Variants in GALNTL6 observed in about 807,000 individuals in gnomAD.
GALNTL6 encodes polypeptide N-acetylgalactosaminyltransferase-like 6.
In GALNTL6, 46 loss-of-function variants were observed where a neutral mutation model predicts 73.7. That is an observed-to-expected ratio of 0.62 (90% CI 0.49 to 0.80). The LOEUF (loss-of-function observed/expected upper bound fraction) is 0.80. GALNTL6 is among the 30% of genes least tolerant of loss of function. The pLI is 0.00. For synonymous variants in GALNTL6, 259 were observed against 263.7 expected (o/e 0.98, Z 0.17); for missense variants, 604 against 755.0 (o/e 0.80, Z 2.34).
At chr4:172,731,494 A>C (rs1736148081) in intron 5 of GALNTL6, among the ~76,000 whole-genome samples, 1 of 152,048 alleles carries the variant, frequency 6.6e-6, no homozygotes. Context: ...CTTTTTTAAA[A>C]AACAACCTTT....
intron 5 of GALNTL6, among the ~76,000 whole-genome samples, chr4:172,401,803 C>T (rs1163095801): frequency 6.6e-6 from 1 of 151,774 alleles, no homozygotes; most frequent in African/African-American, 2.4e-5. Context: ...ATAACAGACA[C>T]CTCAAGTTTT....
chr4:172,553,409 CATTTT>C (rs1736034253), intron 5 of GALNTL6, among the ~76,000 whole-genome samples: 2 of 152,174 alleles, frequency 1.3e-5, no homozygotes, highest in Admixed American at 1.3e-4. Flanking sequence ...GACTCTGACT[CATTTT>C]AGTTTAATCC....
At chr4:171,986,421 G>T (rs1253932502) in intron 2 of GALNTL6, among the ~76,000 whole-genome samples, 1 of 152,162 alleles carries the variant, frequency 6.6e-6, no homozygotes, top group Non-Finnish European at 1.5e-5. Flanking sequence ...GTACGTGCAG[G>T]TCACAGGGGA....
At chr4:171,876,628 A>G (rs10031590) in intron 2 of GALNTL6, among the ~76,000 whole-genome samples, 72,153 of 151,982 alleles carry the variant, frequency 0.47, 17,645 homozygotes, top group African/African-American at 0.59. Context: ...TGCTACTGGA[A>G]GGATAATCAG....
At chr4:172,988,974 G>A (rs1045566412) in intron 10 of GALNTL6, among the ~76,000 whole-genome samples, 4 of 152,244 alleles carry the variant, frequency 2.6e-5, no homozygotes, top group Non-Finnish European at 5.9e-5. Flanking sequence ...AGCCCTCATG[G>A]AGAACCTCTG....
At chr4:173,015,126 T>C (rs1377274112) in intron 11 of GALNTL6, among the ~76,000 whole-genome samples, 1 of 152,224 alleles carries the variant, frequency 6.6e-6, no homozygotes, top group Non-Finnish European at 1.5e-5. Context: ...TCTGCCATGA[T>C]TGTAAGTTTC....
chr4:172,879,535 C>A (rs1486163648), intron 7 of GALNTL6, among the ~76,000 whole-genome samples: 1 of 151,052 alleles, frequency 6.6e-6, no homozygotes, highest in Non-Finnish European at 1.5e-5. Flanking sequence ...ACATATAGGT[C>A]AAAAAATAAA....
chr4:172,270,735 A>T (rs1738616121), intron 3 of GALNTL6, among the ~76,000 whole-genome samples: 3 of 152,158 alleles, frequency 2.0e-5, no homozygotes, highest in Non-Finnish European at 1.5e-5. Flanking sequence ...TAGATGATAG[A>T]TAGATAGATA....
rs1319381221 is a variant in GALNTL6, at chr4:173,041,402, G to A, written c.*1302G>A. The A allele has an allele frequency of 6.6e-6, 1 of 152,044 alleles. No homozygotes were observed. 9.4% of individuals were successfully genotyped at this position (152,044 alleles called of 1,614,324 possible). A position where few individuals can be genotyped will look rare whatever the true frequency, so the allele number is the denominator to read the frequency against. ...TTTACTGTTCAATAATATCACATTG[G>A]GGGAAGAAAACACAGGTATCAAGGT... On this transcript the variant is annotated 3_prime_UTR_variant, in exon 13 of 13. Transcript: ENST00000506823.
At chr4:172,207,221 T>G (rs1736167577) in intron 2 of GALNTL6, among the ~76,000 whole-genome samples, 1 of 152,218 alleles carries the variant, frequency 6.6e-6, no homozygotes, top group Non-Finnish European at 1.5e-5. Context: ...GATTTTATTC[T>G]AATTATAAAT....
chr4:172,552,790 T>C (rs1736000430), intron 5 of GALNTL6, among the ~76,000 whole-genome samples: 1 of 26,552 alleles, frequency 3.8e-5, no homozygotes, highest in Admixed American at 4.2e-4. Context: ...ATAACTAATA[T>C]CAACGGAGAA....
intron 2 of GALNTL6, among the ~76,000 whole-genome samples, chr4:171,930,170 C>G (rs1370955042): frequency 1.3e-5 from 2 of 152,256 alleles, no homozygotes; most frequent in Non-Finnish European, 2.9e-5. Context: ...CCCAGGAGAG[C>G]ACACGCGACA....
chr4:172,596,030 T>C (rs1213307360), intron 5 of GALNTL6, among the ~76,000 whole-genome samples: 1 of 152,136 alleles, frequency 6.6e-6, no homozygotes, highest in African/African-American at 2.4e-5. Context: ...CATATAAGTG[T>C]TATGCAGTTT....
At chr4:173,006,111 C>T (rs375087697) in intron 10 of GALNTL6, among the ~76,000 whole-genome samples, 3 of 152,132 alleles carry the variant, frequency 2.0e-5, no homozygotes, top group Admixed American at 1.3e-4. Context: ...CAGAGCTGCT[C>T]CACATGTGAG....
At position 172,859,843 on chromosome 4, in the gene GALNTL6, T is replaced by G. The variant is rs150568602; in HGVS notation, c.924-22947T>G. ...GAACTGCACATTGAGGGATCTAGGTTGCGTGCACCTTCTGAGAATCTAATA... is the reference window on the plus strand; with the variant it reads ...GAACTGCACATTGAGGGATCTAGGTGGCGTGCACCTTCTGAGAATCTAATA... On this transcript the variant is annotated intron_variant, in intron 7 of 12. Transcript: ENST00000506823. Among the ~76,000 whole-genome samples the G allele has an allele frequency of 4.0e-3, 613 of 152,282 alleles. 1 individual carries two copies. The highest frequency in any genetic ancestry group is 0.017 in the Middle Eastern group (5 of 294).
rs992890205 is a variant in GALNTL6 at position 172,085,248 on chromosome 4, T to C, written c.139-144408T>C. Among the ~76,000 whole-genome samples the C allele has an allele frequency of 3.9e-5, 6 of 152,062 alleles. No homozygotes were observed. The South Asian group carries it at 8.3e-4, about 21-fold the overall frequency. On this transcript the variant is annotated intron_variant, in intron 2 of 12. Transcript: ENST00000506823. Reference sequence around the variant, plus strand: ...GAACATAAGTTTGGAAAGACAGATATAAAATACTAAGAAATGTATAAATTG... The same window carrying C: ...GAACATAAGTTTGGAAAGACAGATACAAAATACTAAGAAATGTATAAATTG...
intron 5 of GALNTL6, among the ~76,000 whole-genome samples, chr4:172,367,885 G>T (rs1466567438): frequency 1.3e-5 from 2 of 152,076 alleles, no homozygotes; most frequent in Admixed American, 6.5e-5. Flanking sequence ...ATGTAAATTT[G>T]CTATACTCCA....
rs113519825 is a variant in GALNTL6, at chr4:172,136,749, C to G, written c.139-92907C>G. On this transcript the variant is annotated intron_variant, in intron 2 of 12. Transcript: ENST00000506823. Reference sequence around the variant, plus strand: ...CACAGCTCCATATACATAGATTGTACAAGGTAACTGACTATAGAATGAGTA... The same window carrying G: ...CACAGCTCCATATACATAGATTGTAGAAGGTAACTGACTATAGAATGAGTA... Among the ~76,000 whole-genome samples the G allele has an allele frequency of 9.3e-3, 1,416 of 151,850 alleles. 16 individuals carry two copies. The highest frequency in any genetic ancestry group is 0.03 in the African/African-American group (1,228 of 41,484).
chr4:172,614,442 T>C (rs1738645230), intron 5 of GALNTL6, among the ~76,000 whole-genome samples: 1 of 152,152 alleles, frequency 6.6e-6, no homozygotes, highest in South Asian at 2.1e-4. Flanking sequence ...TTCCTATGTT[T>C]AGTAATTGTT....
Sources: allele counts gnomAD v4.1 joint callset (sites outside exome capture counted in the v4.1 genomes callset), GRCh38; gene constraint gnomAD v4.1.1; transcripts MANE v1.5; gene names NCBI Gene and HGNC (gene_info 2026-07-23, HGNC 2026-07-21).